Variants in SLC2A9 observed in about 807,000 individuals in gnomAD.
SLC2A9 encodes the protein solute carrier family 2 member 9, also known as solute carrier family 2, facilitated glucose transporter member 9.
SLC2A9 carries 39 observed loss-of-function variants against 50.6 expected under a neutral mutation model. That is an observed-to-expected ratio of 0.77 (90% CI 0.60 to 1.01). SLC2A9 has a LOEUF of 1.01. Among genes scored for constraint, SLC2A9 ranks in the 50% least tolerant of loss-of-function variants. The pLI is 0.00. For missense variants in SLC2A9, 686 were observed against 677.6 expected, an observed-to-expected ratio of 1.01 and a Z score of -0.14; for synonymous variants, 324 against 276.9, an observed-to-expected ratio of 1.17 and a Z score of -1.69.
At position 9,880,257 on chromosome 4, in the gene SLC2A9, C is replaced by A. The variant is rs543324113; in HGVS notation, c.1291+7310G>T. On this transcript the variant is annotated intron_variant, in intron 10 of 11. Transcript: ENST00000264784. ...TGTGAGTTTAAATGAAGCTTCTAAA[C>A]CCTGGTCCATCTTGTGGCTAAAGTC... 3.6e-5 allele frequency: 35 copies of A among 985,486 alleles called. No individual in the cohort carries two copies. The East Asian group carries it at 6.8e-4, about 19-fold the overall frequency. The allele number at this position is 985,486 out of a possible 1,614,324, so 61.0% of individuals were successfully genotyped here.
chr4:10,009,108 C>A (rs1392611989), intron 2 of SLC2A9, among the ~76,000 whole-genome samples: 3 of 152,250 alleles, frequency 2.0e-5, no homozygotes, highest in South Asian at 2.1e-4. Context: ...AGCCCTCTTC[C>A]ACCAAAGTCT....
intron 10 of SLC2A9, among the ~76,000 whole-genome samples, chr4:9,849,364 G>A (rs549090807): frequency 6.6e-6 from 1 of 152,174 alleles, no homozygotes; most frequent in Non-Finnish European, 1.5e-5. Flanking sequence ...AAAGAAGTTC[G>A]TGCCTCTCAG....
chr4:9,903,260 AT>A (rs35134320), intron 8 of SLC2A9, among the ~76,000 whole-genome samples: 34,145 of 146,342 alleles, frequency 0.23, 4,411 homozygotes, highest in African/African-American at 0.37. Flanking sequence ...AACCATAAGG[AT>A]TTTTTTTTTT....
chr4:9,777,935 AC>A (rs1717780878), downstream of SLC2A9, among the ~76,000 whole-genome samples: 1 of 152,344 alleles, frequency 6.6e-6, no homozygotes, highest in South Asian at 2.1e-4. Flanking sequence ...GCTTTGTACA[AC>A]TTATAAAAAT....
chr4:9,929,097 C>T lies in SLC2A9; in HGVS notation c.815-8525G>A, dbSNP rs1206281682. Among the ~76,000 whole-genome samples the T allele has an allele frequency of 3.3e-5, 5 of 152,234 alleles. No individual in the cohort carries two copies. The South Asian group carries it at 6.2e-4, about 19-fold the overall frequency. ...ATGAGGTTCATTTTTGAGCTATCCA[C>T]GTTGCAATAACATTGGTCACCACTT... On this transcript the variant is annotated intron_variant, in intron 6 of 11. Coordinates refer to ENST00000264784, the MANE Select transcript of SLC2A9 (RefSeq NM_020041.3).
In SLC2A9 at chr4:9,914,743, G is replaced by A. The variant is rs116576416; in HGVS notation, c.1002+5642C>T. Among the ~76,000 whole-genome samples, 10 of 152,140 alleles carry A rather than the reference G, an allele frequency of 6.6e-5. No individual in the cohort carries two copies. In the East Asian group the frequency reaches 1.2e-3, roughly 18 times the overall value. ...CGTGAATGCAGATTTCAACCACCCC[G>A]GCCTTGCTTTATATCCTTAGAGCAC... On this transcript the variant is annotated intron_variant, in intron 7 of 11. Coordinates refer to ENST00000264784, the MANE Select transcript of SLC2A9 (RefSeq NM_020041.3).
At chr4:10,004,386 A>G (rs1343006045) in intron 2 of SLC2A9, among the ~76,000 whole-genome samples, 1 of 152,176 alleles carries the variant, frequency 6.6e-6, no homozygotes, top group Non-Finnish European at 1.5e-5. Flanking sequence ...AGGTGGGGCC[A>G]TATGACTACT....
At position 9,820,015 on chromosome 4, in the gene SLC2A9, T is replaced by A. The variant is rs563053824; in HGVS notation, n.420+6405A>T. Among the ~76,000 whole-genome samples, 4 of 152,374 alleles carry A rather than the reference T, an allele frequency of 2.6e-5. No individual in the cohort carries two copies. The South Asian group carries it at 8.3e-4, about 32-fold the overall frequency. The stretch of plus-strand genomic sequence containing the variant: ...TTCAATGAAGTATAATTTACCGAAT[T>A]TTCTTTTATGGATTGTGTTTTGGTG... On this transcript the variant is annotated intron_variant and non_coding_transcript_variant, in intron 3 of 3. Transcript: ENST00000503280.
chr4:9,975,627 A>T (rs531011275), intron 5 of SLC2A9, among the ~76,000 whole-genome samples: 10 of 152,102 alleles, frequency 6.6e-5, no homozygotes, highest in Admixed American at 1.3e-4. Flanking sequence ...GCTGCAGAGA[A>T]AAGGGAACAC....
intron 5 of SLC2A9, among the ~76,000 whole-genome samples, chr4:9,978,270 C>T (rs974444636): frequency 6.6e-6 from 1 of 152,112 alleles, no homozygotes; most frequent in African/African-American, 2.4e-5. Flanking sequence ...GCTCCAGAAT[C>T]AACTCAATGT....
rs114104153 is a variant in SLC2A9, at chr4:9,872,082, G to C, written c.1291+15485C>G. On this transcript the variant is annotated intron_variant, in intron 10 of 11. Coordinates refer to ENST00000264784, the MANE Select transcript of SLC2A9 (RefSeq NM_020041.3). The stretch of plus-strand genomic sequence containing the variant: ...TCATCCAGGGACCCGGGTGGGGGAT[G>C]TTTCCCCAGGGAAGGGGGTTCTGAA... 5.4e-3 allele frequency among the ~76,000 whole-genome samples: 822 copies of C among 152,316 alleles called. 8 individuals are homozygous for C. Among genetic ancestry groups the C allele is most frequent in the African/African-American group, 0.019 (776 of 41,578 alleles).
chr4:9,778,056 C>A (rs1405057924), downstream of SLC2A9, among the ~76,000 whole-genome samples: 1 of 2,938 alleles, frequency 3.4e-4, no homozygotes, highest in African/African-American at 1.2e-3. Flanking sequence ...TTCTTTCTTT[C>A]CTTCCTTCCT....
intron 10 of SLC2A9, among the ~76,000 whole-genome samples, chr4:9,869,352 G>A (rs1057231703): frequency 4.6e-5 from 7 of 152,208 alleles, no homozygotes; most frequent in African/African-American, 1.7e-4. Context: ...CTTCAGGGCA[G>A]TTCTACACAT....
chr4:9,970,628 G>T (rs1311921869), intron 5 of SLC2A9, among the ~76,000 whole-genome samples: 2 of 151,764 alleles, frequency 1.3e-5, no homozygotes, highest in Non-Finnish European at 2.9e-5. Context: ...AATACTACAT[G>T]CTATACTTGG....
chr4:9,888,566 G>A (rs780031890), intron 9 of SLC2A9, among the ~76,000 whole-genome samples: 88 of 152,182 alleles, frequency 5.8e-4, no homozygotes, highest in African/African-American at 1.5e-3. Flanking sequence ...TGAATCTGTG[G>A]GGGTGCCAGG....
chr4:9,899,005 T>C (rs1739107530), intron 8 of SLC2A9, among the ~76,000 whole-genome samples: 1 of 152,172 alleles, frequency 6.6e-6, no homozygotes, highest in South Asian at 2.1e-4. Context: ...TCCCCCTCTC[T>C]CTCTCTCTTT....
At chr4:9,895,259 T>C (rs921309606) in intron 8 of SLC2A9, among the ~76,000 whole-genome samples, 13 of 152,194 alleles carry the variant, frequency 8.5e-5, no homozygotes, top group Admixed American at 7.2e-4. Context: ...AGAAATGATC[T>C]TTAAAGATGG....
downstream of SLC2A9, among the ~76,000 whole-genome samples, chr4:9,796,314 T>G (rs1283865143): frequency 6.6e-6 from 1 of 152,208 alleles, no homozygotes; most frequent in African/African-American, 2.4e-5. Flanking sequence ...TGCCAATTCA[T>G]TCCCATCTCC....
intron 10 of SLC2A9, among the ~76,000 whole-genome samples, chr4:9,842,989 G>A (rs1560180031): frequency 6.6e-6 from 1 of 152,066 alleles, no homozygotes; most frequent in African/African-American, 2.4e-5. Flanking sequence ...AATCCAACTG[G>A]GACCCTCGGG....
Sources: allele counts gnomAD v4.1 joint callset (sites outside exome capture counted in the v4.1 genomes callset), GRCh38; gene constraint gnomAD v4.1.1; transcripts MANE v1.5; gene names NCBI Gene and HGNC (gene_info 2026-07-23, HGNC 2026-07-21).